The following PLCB1 variants were observed in gnomAD, a reference collection of about 807,000 sequenced individuals.
PLCB1 encodes the protein 1-phosphatidylinositol 4,5-bisphosphate phosphodiesterase beta-1.
In PLCB1, 46 loss-of-function variants were observed where a neutral mutation model predicts 161.8. The ratio of observed to expected loss-of-function variants is 0.28; its 90% CI spans 0.22 to 0.36. PLCB1 has a LOEUF of 0.36. Ranked by LOEUF, PLCB1 falls within the 10% of genes least tolerant of loss-of-function variation. The pLI is 1.00. For missense variants in PLCB1, 1,016 were observed against 1,472.5 expected (o/e 0.69, Z 5.07); for synonymous variants, 517 against 503.7 (o/e 1.03, Z -0.35).
intron 3 of PLCB1, among the ~76,000 whole-genome samples, chr20:8,516,239 G>C (rs1434282801): frequency 1.3e-5 from 2 of 152,128 alleles, no homozygotes; most frequent in Non-Finnish European, 2.9e-5. Flanking sequence ...TCTGAGCCCA[G>C]GTCCTCCTGG....
Position 8,883,071 on chromosome 20 carries a change from A to G in PLCB1, c.*1222A>G, listed in dbSNP as rs1204082729. 2 of 152,586 alleles carry G rather than the reference A, an allele frequency of 1.3e-5. No individual in the cohort carries two copies. The highest frequency in any genetic ancestry group is 3.8e-4 in the East Asian group (2 of 5,196). The allele number at this position is 152,586 out of a possible 1,614,324, so 9.5% of individuals were successfully genotyped here. ...TAAGAAATAATTGATGGAGCCATTG[A>G]TGCAAACCGAAGTAGATTTAGAACT... On this transcript the variant is annotated 3_prime_UTR_variant, in exon 32 of 32. Transcript: ENST00000338037.
At chr20:8,715,331 G>A (rs559799834) in intron 12 of PLCB1, among the ~76,000 whole-genome samples, 5 of 152,238 alleles carry the variant, frequency 3.3e-5, no homozygotes, top group Non-Finnish European at 5.9e-5. Flanking sequence ...GTTACTGGGC[G>A]TAGGATTTGT....
At chr20:8,201,262 T>A (rs565618525) in intron 2 of PLCB1, among the ~76,000 whole-genome samples, 15 of 152,124 alleles carry the variant, frequency 9.9e-5, no homozygotes, top group Non-Finnish European at 1.9e-4. Context: ...AGGACCCCCC[T>A]CCAGCAATAG....
At chr20:8,645,246 C>T (rs921388226) in intron 4 of PLCB1, among the ~76,000 whole-genome samples, 14 of 151,460 alleles carry the variant, frequency 9.2e-5, no homozygotes, top group Non-Finnish European at 1.9e-4. Context: ...CTTCCCTCCA[C>T]TATTGTCCTA....
intron 3 of PLCB1, among the ~76,000 whole-genome samples, chr20:8,520,085 A>T (rs1984289955): frequency 6.6e-6 from 1 of 152,226 alleles, no homozygotes; most frequent in Admixed American, 6.5e-5. Context: ...AATCACACTT[A>T]GGTGACAGAA....
intron 3 of PLCB1, among the ~76,000 whole-genome samples, chr20:8,433,850 C>A (rs1267391585): frequency 6.6e-6 from 1 of 152,058 alleles, no homozygotes; most frequent in African/African-American, 2.4e-5. Flanking sequence ...TTTTTGAATT[C>A]TATCAGTATG....
intron 31 of PLCB1, among the ~76,000 whole-genome samples, chr20:8,877,604 C>A (rs1469681557): frequency 6.6e-6 from 1 of 152,192 alleles, no homozygotes; most frequent in East Asian, 1.9e-4. Context: ...TGCCTGGCCC[C>A]TGTAACATCT....
intron 31 of PLCB1, among the ~76,000 whole-genome samples, chr20:8,838,001 G>A (rs1276930415): frequency 6.6e-6 from 1 of 151,810 alleles, no homozygotes; most frequent in Non-Finnish European, 1.5e-5. Flanking sequence ...GGTGTTCCTG[G>A]AAAGTAAAAG....
intron 1 of PLCB1, among the ~76,000 whole-genome samples, chr20:8,137,285 G>A (rs570809847): frequency 1.1e-4 from 17 of 152,202 alleles, no homozygotes; most frequent in Admixed American, 2.0e-4. Context: ...AGATTAATGA[G>A]AGAGCAGAGG....
intron 11 of PLCB1, among the ~76,000 whole-genome samples, chr20:8,703,797 G>T (rs1357323217): frequency 6.6e-6 from 1 of 152,130 alleles, no homozygotes; most frequent in East Asian, 1.9e-4. Context: ...CCAGGAAGAT[G>T]GGGGGCATGG....
At chr20:8,309,389 G>A (rs1600303762) in intron 2 of PLCB1, among the ~76,000 whole-genome samples, 2 of 152,144 alleles carry the variant, frequency 1.3e-5, no homozygotes, top group African/African-American at 2.4e-5. Flanking sequence ...TTCCTATGCC[G>A]CTGTAATGGC....
intron 9 of PLCB1, among the ~76,000 whole-genome samples, chr20:8,678,823 T>C (rs751626706): frequency 1.7e-4 from 26 of 152,276 alleles, no homozygotes; most frequent in African/African-American, 6.0e-4. Context: ...TCAAAATGAA[T>C]TGCTTCTTTC....
At chr20:8,578,562 G>C (rs540553092) in intron 3 of PLCB1, among the ~76,000 whole-genome samples, 36 of 152,320 alleles carry the variant, frequency 2.4e-4, no homozygotes, top group African/African-American at 7.7e-4. Flanking sequence ...AAAGCTCTGT[G>C]CAAAGAATAG....
chr20:8,760,587 A>G, intron 25 of PLCB1, 127 bp downstream of exon 25: 1 of 608,134 alleles, frequency 1.6e-6, no homozygotes, highest in Non-Finnish European at 2.9e-6. Context: ...CTTCTAAAAA[A>G]TCTAGAGACA....
intron 2 of PLCB1, among the ~76,000 whole-genome samples, chr20:8,195,444 C>T (rs1423114332): frequency 6.6e-6 from 1 of 152,014 alleles, no homozygotes; most frequent in African/African-American, 2.4e-5. Flanking sequence ...CAGGTGAAGA[C>T]ACAGCAAAAA....
At chr20:8,673,116 A>G (rs1389403800) in intron 9 of PLCB1, among the ~76,000 whole-genome samples, 1 of 48,756 alleles carries the variant, frequency 2.1e-5, no homozygotes, top group Non-Finnish European at 4.9e-5. Context: ...CATCCCAAAA[A>G]TAAATAAATA....
intron 7 of PLCB1, among the ~76,000 whole-genome samples, chr20:8,656,081 T>G (rs903434633): frequency 6.6e-6 from 1 of 152,070 alleles, no homozygotes; most frequent in African/African-American, 2.4e-5. Context: ...TTGTGCTTAT[T>G]TCAAAGTTTG....
At chr20:8,548,553 T>C (rs537057572) in intron 3 of PLCB1, among the ~76,000 whole-genome samples, 8 of 152,084 alleles carry the variant, frequency 5.3e-5, no homozygotes, top group African/African-American at 1.9e-4. Flanking sequence ...TTCTTTTTCT[T>C]CTATTATCTA....
At chr20:8,563,768 C>A (rs1431242440) in intron 3 of PLCB1, among the ~76,000 whole-genome samples, 1 of 151,932 alleles carries the variant, frequency 6.6e-6, no homozygotes, top group African/African-American at 2.4e-5. Flanking sequence ...GAATAAAATA[C>A]CTAGGAATAC....
Sources: allele counts gnomAD v4.1 joint callset (sites outside exome capture counted in the v4.1 genomes callset), GRCh38; gene constraint gnomAD v4.1.1; transcripts MANE v1.5; gene names NCBI Gene and HGNC (gene_info 2026-07-23, HGNC 2026-07-21).